ATP1A3: variants seen among roughly 807,000 people sequenced by gnomAD.
ATP1A3 encodes sodium/potassium-transporting ATPase subunit alpha-3.
In ATP1A3, 12 loss-of-function variants were observed where a neutral mutation model predicts 108.8. The ratio of observed to expected loss-of-function variants is 0.11; its 90% CI spans 0.07 to 0.18. The LOEUF (loss-of-function observed/expected upper bound fraction) is 0.18. Ranked by LOEUF, ATP1A3 falls within the 10% of genes least tolerant of loss-of-function variation. The probability of loss-of-function intolerance (pLI) is 1.00; values close to 1 mark genes in which losing one functional copy is unlikely to be tolerated. For missense variants in ATP1A3, 498 were observed against 1,387.7 expected (o/e 0.36, Z 10.19); for synonymous variants, 539 against 564.5 (o/e 0.95, Z 0.64).
chr19:41,982,289 C>T (rs782299984), intron 8 of ATP1A3, among the ~76,000 whole-genome samples, 183 bp from the exon 9 acceptor site: 2 of 152,104 alleles, frequency 1.3e-5, no homozygotes, highest in Non-Finnish European at 2.9e-5. Context: ...GGCAGAGACA[C>T]CCAAAGACAG....
At chr19:41,969,329 C>T (rs2145945497) in intron 19 of ATP1A3, 106 bp downstream of exon 19, 1 of 1,578,702 alleles carries the variant, frequency 6.3e-7, no homozygotes, top group East Asian at 2.2e-5. Context: ...TTGATGCTGC[C>T]ATGGGAGACT....
chr19:41,988,710 G>T lies in ATP1A3; in HGVS notation c.7-148C>A, dbSNP rs949200611. On this transcript the variant is annotated intron_variant, in intron 1 of 22. Coordinates refer to ENST00000648268, the MANE Select transcript of ATP1A3 (RefSeq NM_152296.5). This position sits in a 1 kb window ranked among gnomAD's most constrained non-coding sequence, Gnocchi z 5.3. ...TGGGGGGTCTCTGTCTGCCTCTCGG[G>T]GTCTCCCTGTGTCTCCCGGAGCCTC... 5.5e-5 allele frequency: 84 copies of T among 1,516,002 alleles called. 1 individual carries two copies. In the South Asian group the frequency reaches 1.0e-3, roughly 18 times the overall value. 93.9% of individuals were successfully genotyped at this position (1,516,002 alleles called of 1,614,324 possible).
intron 11 of ATP1A3, among the ~76,000 whole-genome samples, chr19:41,980,835 C>T (rs1258490560): frequency 2.0e-5 from 3 of 151,600 alleles, no homozygotes; most frequent in Admixed American, 6.6e-5. Context: ...GGTGTGAACC[C>T]GGGAGGTGGA....
At chr19:41,976,937 T>C (rs1412109793) in intron 14 of ATP1A3, among the ~76,000 whole-genome samples, 1 of 151,864 alleles carries the variant, frequency 6.6e-6, no homozygotes, top group Non-Finnish European at 1.5e-5. Flanking sequence ...CCCTAGTAGA[T>C]AGGATTACAG....
intron 8 of ATP1A3, 142 bp from the exon 9 acceptor site, chr19:41,982,248 T>C (rs2075241007): frequency 1.5e-6 from 2 of 1,371,716 alleles, no homozygotes; most frequent in South Asian, 1.2e-5. Flanking sequence ...CACCCAGCAA[T>C]GCCACCCCCA....
At chr19:41,993,501 GCACACACACACACA>G (rs4060828) in intron 1 of ATP1A3, 903 of 677,944 alleles carry the variant, frequency 1.3e-3, no homozygotes, top group East Asian at 4.0e-3. Flanking sequence ...TGCGGAGCCT[GCACACACACACACA>G]CACACACACA....
At chr19:41,993,657 A>G (rs2075361483) in intron 1 of ATP1A3, 3 of 639,194 alleles carry the variant, frequency 4.7e-6, no homozygotes, top group Non-Finnish European at 8.0e-6. Context: ...GGGGGCCTCA[A>G]TAACCCCAGA....
In ATP1A3 at chr19:41,981,171, A is replaced by C. The variant is rs1330503942; in HGVS notation, c.1437+331T>G. On this transcript the variant is annotated intron_variant, in intron 11 of 22. Coordinates refer to ENST00000648268, the MANE Select transcript of ATP1A3 (RefSeq NM_152296.5). This position sits in a 1 kb window ranked among gnomAD's most constrained non-coding sequence, Gnocchi z 5.0. ...ACCACCACACCTGGCTAATTAAAAA[A>C]AAAATTTCGTACAGATGGGGTTTTG... 6.6e-6 allele frequency among the ~76,000 whole-genome samples: 1 copy of C among 151,648 alleles called. No homozygotes were observed. The highest frequency in any genetic ancestry group is 2.4e-5 in the African/African-American group (1 of 41,264).
chr19:41,990,971 T>C (rs2075332338), intron 1 of ATP1A3: 1 of 152,480 alleles, frequency 6.6e-6, no homozygotes, highest in Admixed American at 6.5e-5. Flanking sequence ...TGGAGCGTCC[T>C]TAACAGAGGC....
chr19:41,985,217 G>T lies in ATP1A3; in HGVS notation c.725-31C>A. Reference sequence around the variant, plus strand: ...GGCCAGAGGGGTTAGGCTGAGGTGGGGTGGCTCAGGGAGGTTCTGGAGGCC... The same window carrying T: ...GGCCAGAGGGGTTAGGCTGAGGTGGTGTGGCTCAGGGAGGTTCTGGAGGCC... On this transcript the variant is annotated intron_variant, in intron 7 of 22. Coordinates refer to ENST00000648268, the MANE Select transcript of ATP1A3 (RefSeq NM_152296.5). The surrounding 1 kb of genome is among the most constrained non-coding windows in gnomAD (Gnocchi z 8.2). 1.2e-6 allele frequency: 2 copies of T among 1,613,888 alleles called. No individual in the cohort carries two copies. Among genetic ancestry groups the T allele is most frequent in the Non-Finnish European group, 1.7e-6 (2 of 1,179,922 alleles).
chr19:41,974,708 T>C (rs2075147641), intron 16 of ATP1A3, among the ~76,000 whole-genome samples: 1 of 152,260 alleles, frequency 6.6e-6, no homozygotes, highest in Admixed American at 6.5e-5. Context: ...ACTTTTTTCC[T>C]GAATGCTTTT....
chr19:41,981,863 C>T lies in ATP1A3; in HGVS notation c.1193-32G>A, dbSNP rs1555863558. The T allele has an allele frequency of 2.5e-6, 4 of 1,614,218 alleles. No individual in the cohort carries two copies. In the Admixed American group the frequency reaches 5.0e-5, roughly 20 times the overall value. On this transcript the variant is annotated intron_variant, in intron 9 of 22. Transcript: ENST00000648268. This position sits in a 1 kb window ranked among gnomAD's most constrained non-coding sequence, Gnocchi z 5.0. The stretch of plus-strand genomic sequence containing the variant: ...GAGGCATGTGTGAGGGCCAGGGACT[C>T]CTGGAGCCAGGCCCCCATGGTCCTC...
rs2075309715 is a variant in ATP1A3 at position 41,988,765 on chromosome 19, G to C, written c.7-203C>G. ...TGACTTCACCTCCCTTCTGCCTCTG[G>C]TGACTCTCAGGCCTCGTGAGTCTCA... is the stretch of plus-strand genomic sequence containing the variant. On this transcript the variant is annotated intron_variant, in intron 1 of 22. Coordinates refer to ENST00000648268, the MANE Select transcript of ATP1A3 (RefSeq NM_152296.5). This position sits in a 1 kb window ranked among gnomAD's most constrained non-coding sequence, Gnocchi z 5.3. Among the ~76,000 whole-genome samples, 1 of 151,956 alleles carries C rather than the reference G, an allele frequency of 6.6e-6. No individual in the cohort carries two copies. The highest frequency in any genetic ancestry group is 2.4e-5 in the African/African-American group (1 of 41,334).
Position 41,978,842 on chromosome 19 carries a change from C to A in ATP1A3, c.1438-44G>T, listed in dbSNP as rs551024141. On this transcript the variant is annotated intron_variant, in intron 11 of 22. Coordinates refer to ENST00000648268, the MANE Select transcript of ATP1A3 (RefSeq NM_152296.5). This position sits in a 1 kb window ranked among gnomAD's most constrained non-coding sequence, Gnocchi z 8.3. The stretch of plus-strand genomic sequence containing the variant: ...GTGGCGTGCCTGAGCCACGCAGACA[C>A]CAGGAAGCTCCCTGCCCCATCCTGT... The A allele has an allele frequency of 4.4e-6, 7 of 1,602,836 alleles. No individual in the cohort carries two copies. In the South Asian group the frequency reaches 6.6e-5, roughly 15 times the overall value.
In ATP1A3 at chr19:41,967,833, G is replaced by A. The variant is rs1312164186; in HGVS notation, c.2820-70C>T. 3 of 1,395,206 alleles carry A rather than the reference G, an allele frequency of 2.2e-6. No individual in the cohort carries two copies. The highest frequency in any genetic ancestry group is 2.8e-5 in the African/African-American group (2 of 70,376). The allele number at this position is 1,395,206 out of a possible 1,614,324, so 86.4% of individuals were successfully genotyped here. The stretch of plus-strand genomic sequence containing the variant: ...CTGCACCTGCCACCCCGCAGAGACA[G>A]GGGGAGGCACAGTGCAGACACCCAG... On this transcript the variant is annotated intron_variant, in intron 20 of 22. Coordinates refer to ENST00000648268, the MANE Select transcript of ATP1A3 (RefSeq NM_152296.5). This position sits in a 1 kb window ranked among gnomAD's most constrained non-coding sequence, Gnocchi z 4.2.
At position 41,978,418 on chromosome 19, in the gene ATP1A3, C is replaced by T. The variant is rs2075195396; in HGVS notation, c.1631-92G>A. 5 of 1,503,586 alleles carry T rather than the reference C, an allele frequency of 3.3e-6. No homozygotes were observed. The Admixed American group carries it at 9.8e-5, about 30-fold the overall frequency. The allele number at this position is 1,503,586 out of a possible 1,614,324, so 93.1% of individuals were successfully genotyped here. ...TGTCTGCATCGCCCGCATTCCATCTCCCCATCAGCAAGACGGCCAGTCAGC... is the reference window on the plus strand; with the variant it reads ...TGTCTGCATCGCCCGCATTCCATCTTCCCATCAGCAAGACGGCCAGTCAGC... On this transcript the variant is annotated intron_variant, in intron 12 of 22. Transcript: ENST00000648268. This position sits in a 1 kb window ranked among gnomAD's most constrained non-coding sequence, Gnocchi z 8.3.
intron 16 of ATP1A3, among the ~76,000 whole-genome samples, chr19:41,971,016 G>A (rs2075102251): frequency 6.6e-6 from 1 of 151,512 alleles, no homozygotes; most frequent in Admixed American, 6.6e-5. Context: ...CCAGGCTGCA[G>A]TGCAGTGGCA....
intron 1 of ATP1A3, among the ~76,000 whole-genome samples, chr19:41,992,358 A>C (rs1435600940): frequency 6.6e-6 from 1 of 151,576 alleles, no homozygotes; most frequent in Non-Finnish European, 1.5e-5. Flanking sequence ...GGGTGGGAGC[A>C]CCTCCAAGGG....
chr19:41,993,477 C>A (rs1555868057), intron 1 of ATP1A3: 1 of 1,526,748 alleles, frequency 6.5e-7, no homozygotes, highest in Admixed American at 2.0e-5. Context: ...CACTGCAGCC[C>A]CAGGCTGCGA....
Sources: gnomAD v4.1 joint callset for allele counts (sites outside exome capture counted in the v4.1 genomes callset) on GRCh38, gnomAD v4.1.1 for gene constraint, Gnocchi (gnomAD v3.1) non-coding constraint, MANE v1.5 for transcripts, NCBI Gene and HGNC (gene_info 2026-07-23, HGNC 2026-07-21) for gene names.